The following VWA8 variants were observed in gnomAD, a reference collection of about 807,000 sequenced individuals.
The protein encoded by VWA8 is von Willebrand factor A domain containing 8.
Under a neutral mutation model 241.5 loss-of-function variants are expected in VWA8, and 221 were observed. The observed-to-expected ratio is 0.91, with a 90% CI of 0.82 to 1.02. The LOEUF is 1.02. Ranked by LOEUF, VWA8 falls within the 50% of genes least tolerant of loss-of-function variation. The pLI is 0.00. For synonymous variants in VWA8, 852 were observed against 827.1 expected, an observed-to-expected ratio of 1.03 and a Z score of -0.52; for missense variants, 2,322 against 2,328.7, an observed-to-expected ratio of 1.00 and a Z score of 0.06.
intron 20 of VWA8, among the ~76,000 whole-genome samples, chr13:41,767,162 G>A (rs2045784491): frequency 6.6e-6 from 1 of 151,892 alleles, no homozygotes; most frequent in South Asian, 2.1e-4. Context: ...TCTTTCCATA[G>A]GCCGCTAATT....
At chr13:41,907,488 C>A in intron 4 of VWA8, 98 bp downstream of exon 4, 1 of 1,020,744 alleles carries the variant, frequency 9.8e-7, no homozygotes, top group East Asian at 2.4e-5. Context: ...ATACAACTAC[C>A]TTTTACTGTT....
At chr13:41,602,684 C>G (rs2044529195) in intron 40 of VWA8, among the ~76,000 whole-genome samples, 1 of 152,110 alleles carries the variant, frequency 6.6e-6, no homozygotes, top group Non-Finnish European at 1.5e-5. Flanking sequence ...ATGCTGCATG[C>G]TAGGCATTGT....
intron 37 of VWA8, among the ~76,000 whole-genome samples, chr13:41,643,474 A>G (rs1386372572): frequency 6.6e-6 from 1 of 152,234 alleles, no homozygotes; most frequent in Non-Finnish European, 1.5e-5. Flanking sequence ...AAAGGAATCA[A>G]TAATGAATGA....
intron 14 of VWA8, among the ~76,000 whole-genome samples, chr13:41,829,389 G>A (rs746309020): frequency 4.6e-5 from 7 of 151,894 alleles, no homozygotes; most frequent in Non-Finnish European, 8.8e-5. Flanking sequence ...TCCCACTACT[G>A]GGTATCTACC....
intron 14 of VWA8, among the ~76,000 whole-genome samples, chr13:41,820,939 A>G (rs905467493): frequency 6.6e-6 from 1 of 152,210 alleles, no homozygotes; most frequent in East Asian, 1.9e-4. Flanking sequence ...AAAAGGTAGG[A>G]GAGAAAGAGC....
chr13:41,960,815 A>T (rs1166667609), intron 1 of VWA8, 38 bp downstream of exon 1: 9 of 1,502,552 alleles, frequency 6.0e-6, no homozygotes, highest in African/African-American at 1.4e-5. Flanking sequence ...CACGGAGCGC[A>T]GGGGCACCAG....
rs115095417 is a variant in VWA8, at chr13:41,860,350, A to T, written c.1425+5386T>A. Among the ~76,000 whole-genome samples, 236 of 152,324 alleles carry T rather than the reference A, an allele frequency of 1.5e-3. 1 individual carries two copies. The highest frequency in any genetic ancestry group is 5.3e-3 in the African/African-American group (221 of 41,580). ...GCAGGACATCTAAAAGGTTGACAGG[A>T]TATGTACAAAGGATGGGTAAATGTT... On this transcript the variant is annotated intron_variant, in intron 12 of 44. Transcript: ENST00000379310.
At chr13:41,713,184 C>T (rs2045328808) in intron 26 of VWA8, among the ~76,000 whole-genome samples, 1 of 152,076 alleles carries the variant, frequency 6.6e-6, no homozygotes. Flanking sequence ...TCAGCACAGG[C>T]CTTTAAAATT....
At chr13:41,769,848 A>C (rs1213456684) in intron 20 of VWA8, among the ~76,000 whole-genome samples, 1 of 152,224 alleles carries the variant, frequency 6.6e-6, no homozygotes, top group Non-Finnish European at 1.5e-5. Context: ...TAAGACATAC[A>C]AATATTACTA....
chr13:41,590,496 T>C (rs1030911892), intron 41 of VWA8, 144 bp downstream of exon 41: 21 of 975,826 alleles, frequency 2.2e-5, no homozygotes, highest in Non-Finnish European at 2.7e-5. Flanking sequence ...CTTCTTCTTC[T>C]TCTTTTTTTT....
At chr13:41,753,488 C>T (rs1469812941) in intron 21 of VWA8, among the ~76,000 whole-genome samples, 2 of 152,108 alleles carry the variant, frequency 1.3e-5, no homozygotes, top group Non-Finnish European at 2.9e-5. Flanking sequence ...AATAGATTCA[C>T]TTCACAAATG....
intron 37 of VWA8, among the ~76,000 whole-genome samples, chr13:41,645,443 C>T (rs2044824829): frequency 6.6e-6 from 1 of 152,178 alleles, no homozygotes; most frequent in South Asian, 2.1e-4. Flanking sequence ...CATTCATGAC[C>T]TCACTCAGGA....
intron 37 of VWA8, among the ~76,000 whole-genome samples, chr13:41,664,452 C>T (rs1458819647): frequency 6.8e-6 from 1 of 147,914 alleles, no homozygotes; most frequent in African/African-American, 2.5e-5. Flanking sequence ...TACTGTATAT[C>T]TGGTTCTTTA....
At chr13:41,627,196 T>G (rs2044697815) in intron 37 of VWA8, among the ~76,000 whole-genome samples, 1 of 152,068 alleles carries the variant, frequency 6.6e-6, no homozygotes, top group East Asian at 1.9e-4. Flanking sequence ...GAAATGCAAA[T>G]CACAACCACA....
chr13:41,891,715 C>G, intron 4 of VWA8, 128 bp from the exon 5 acceptor site: 1 of 1,020,120 alleles, frequency 9.8e-7, no homozygotes, highest in Non-Finnish European at 1.4e-6. Flanking sequence ...AAGCTGAGTT[C>G]CAGATCTTGT....
chr13:41,831,468 A>T (rs1449396398), intron 13 of VWA8, among the ~76,000 whole-genome samples: 1 of 152,200 alleles, frequency 6.6e-6, no homozygotes, highest in Admixed American at 6.5e-5. Context: ...AAAACTAAAC[A>T]GCTAATGTAA....
chr13:41,909,356 A>T (rs1231953554), intron 3 of VWA8, among the ~76,000 whole-genome samples: 1 of 152,218 alleles, frequency 6.6e-6, no homozygotes, highest in East Asian at 1.9e-4. Context: ...CACCGCACCC[A>T]GTCTAAAAGG....
intron 21 of VWA8, among the ~76,000 whole-genome samples, chr13:41,754,030 G>C (rs1336066251): frequency 6.6e-6 from 1 of 152,058 alleles, no homozygotes; most frequent in Non-Finnish European, 1.5e-5. Context: ...CCCTAAAACT[G>C]TATATAATAA....
chr13:41,910,441 C>T (rs772946259), intron 3 of VWA8, among the ~76,000 whole-genome samples: 10 of 151,778 alleles, frequency 6.6e-5, no homozygotes, highest in African/African-American at 1.9e-4. Context: ...AAAAATTAGC[C>T]GGGTGTGGTG....
Sources: gnomAD v4.1 joint callset for allele counts (sites outside exome capture counted in the v4.1 genomes callset) on GRCh38, gnomAD v4.1.1 for gene constraint, MANE v1.5 for transcripts, NCBI Gene and HGNC (gene_info 2026-07-23, HGNC 2026-07-21) for gene names.